HOOK2: variants seen among roughly 807,000 people sequenced by gnomAD.
HOOK2 encodes the protein protein Hook homolog 2.
In HOOK2, 108 loss-of-function variants were observed where a neutral mutation model predicts 111.9. The ratio of observed to expected loss-of-function variants is 0.96; its 90% CI spans 0.83 to 1.13. The LOEUF is 1.13. HOOK2 is among the 50% of genes most tolerant of loss of function. The pLI is 0.00. For synonymous variants in HOOK2, 405 were observed against 394.3 expected (o/e 1.03, Z -0.32); for missense variants, 978 against 951.3 (o/e 1.03, Z -0.37).
chr19:12,773,231 C>CTTTTTTT lies in HOOK2; in HGVS notation c.205-194_205-188dup, dbSNP rs373156108. Reference sequence around the variant, plus strand: ...TTTGTCTGCCTGACCATCTTTGTTTCTTTTTTTTTTTTTTTTTTTTTTTGC... The same window carrying CTTTTTTT: ...TTTGTCTGCCTGACCATCTTTGTTTCTTTTTTTTTTTTTTTTTTTTTTTTTTTTTTGC... On this transcript the variant is annotated intron_variant, in intron 3 of 22. Transcript: ENST00000397668. 702 of 254,686 alleles carry CTTTTTTT rather than the reference C, an allele frequency of 2.8e-3. 1 individual carries two copies. The highest frequency in any genetic ancestry group is 3.7e-3 in the African/African-American group (114 of 30,626). 15.8% of individuals were successfully genotyped at this position (254,686 alleles called of 1,614,324 possible).
chr19:12,767,966 C>T (rs773077846), intron 12 of HOOK2, 47 bp downstream of exon 12: 1 of 1,611,036 alleles, frequency 6.2e-7, no homozygotes, highest in Non-Finnish European at 8.5e-7. Context: ...AATGGGCTAC[C>T]CCAGAATTGG....
intron 16 of HOOK2, 26 bp from the exon 17 acceptor site, chr19:12,765,860 G>A: frequency 7.5e-6 from 12 of 1,610,722 alleles, no homozygotes; most frequent in Non-Finnish European, 1.0e-5. Context: ...GGCAGCATGG[G>A]AGAGAGAGGA....
In HOOK2 at chr19:12,774,900, G is replaced by A; in HGVS notation, c.46-3C>T. On this transcript the variant is annotated splice_region_variant and splice_polypyrimidine_tract_variant and intron_variant, in intron 1 of 22. Transcript: ENST00000397668. ...GACGGAACGTGGAACGTCTGTAACT[G>A]AGGGGTAAAGGAAAGGACAAGGAAA... The A allele has an allele frequency of 1.2e-6, 2 of 1,612,918 alleles. No individual in the cohort carries two copies. The highest frequency in any genetic ancestry group is 1.1e-5 in the South Asian group (1 of 90,896).
chr19:12,771,543 A>C, intron 7 of HOOK2, 66 bp from the exon 8 acceptor site: 3 of 1,388,886 alleles, frequency 2.2e-6, no homozygotes, highest in Non-Finnish European at 2.0e-6. Flanking sequence ...GGAGGCTGAG[A>C]TCTCTAGAGG....
chr19:12,773,036 A>C lies in HOOK2; in HGVS notation c.213T>G (p.Asn71Lys). Reference protein sequence around the residue: ...PGPNWKLKVSNLKMVLRSLVE... With the variant: ...PGPNWKLKVSKLKMVLRSLVE... ...CTAGGCTCCGTAAGACCATCTTCAG[A>C]TTGCTGACCTAGGGAGGAACAAGGA... Residue 71 changes from asparagine (N) to lysine (K), a missense_variant, in exon 4 of 23, where the codon AAT becomes AAG. Transcript: ENST00000397668. 6.2e-7 allele frequency: 1 copy of C among 1,613,994 alleles called. No homozygotes were observed. Among genetic ancestry groups the C allele is most frequent in the Non-Finnish European group, 8.5e-7 (1 of 1,180,000 alleles).
chr19:12,773,049 G>A lies in HOOK2; in HGVS notation c.205-5C>T. 1.2e-6 allele frequency: 2 copies of A among 1,613,954 alleles called. No individual in the cohort carries two copies. The highest frequency in any genetic ancestry group is 2.2e-5 in the East Asian group (1 of 44,848). On this transcript the variant is annotated splice_region_variant and splice_polypyrimidine_tract_variant and intron_variant, in intron 3 of 22. Coordinates refer to ENST00000397668, the MANE Select transcript of HOOK2 (RefSeq NM_013312.3). ...GACCATCTTCAGATTGCTGACCTAG[G>A]GAGGAACAAGGAACTGTGGACAAGT...
At chr19:12,768,937 A>T (rs1457488814) in intron 11 of HOOK2, among the ~76,000 whole-genome samples, 2 of 150,690 alleles carry the variant, frequency 1.3e-5, no homozygotes, top group Non-Finnish European at 2.9e-5. Context: ...AGCTGGGATT[A>T]CAGGCGCGCG....
chr19:12,783,722 A>T (rs1390585306), intron 3 of HOOK2, among the ~76,000 whole-genome samples: 1 of 151,908 alleles, frequency 6.6e-6, no homozygotes, highest in African/African-American at 2.4e-5. Flanking sequence ...TGTTGTGGGG[A>T]TTAGGTGAAT....
intron 7 of HOOK2, 152 bp downstream of exon 7, chr19:12,772,038 C>G (rs936126141): frequency 3.0e-6 from 2 of 667,884 alleles, no homozygotes; most frequent in Non-Finnish European, 5.4e-6. Flanking sequence ...ACAAGCCCCT[C>G]CCCCTTAGGC....
intron 3 of HOOK2, chr19:12,785,011 T>G (rs1372733754): frequency 6.6e-6 from 1 of 152,268 alleles, no homozygotes; most frequent in Non-Finnish European, 1.5e-5. Context: ...ACAGATTGGG[T>G]AGATCTGGGC....
intron 3 of HOOK2, chr19:12,787,129 C>G (rs1290492647): frequency 1.3e-5 from 2 of 153,238 alleles, no homozygotes; most frequent in African/African-American, 4.8e-5. Context: ...GATTGTGTAG[C>G]TGAACTCTAG....
chr19:12,782,036 G>T (rs769974359), upstream of HOOK2, among the ~76,000 whole-genome samples: 1 of 152,076 alleles, frequency 6.6e-6, no homozygotes, highest in Non-Finnish European at 1.5e-5. Flanking sequence ...AAATATTTTT[G>T]TAGAGACAGG....
chr19:12,774,597 C>T (rs764920627), intron 3 of HOOK2, 72 bp downstream of exon 3: 24 of 1,397,712 alleles, frequency 1.7e-5, no homozygotes, highest in African/African-American at 5.7e-5. Context: ...TCACCCAGGA[C>T]ATGTGCCTAG....
intron 11 of HOOK2, among the ~76,000 whole-genome samples, chr19:12,768,764 C>T (rs1009517758): frequency 6.6e-5 from 10 of 152,026 alleles, no homozygotes; most frequent in Non-Finnish European, 1.0e-4. Context: ...TGAGTCACCA[C>T]GCCCAGCTCT....
intron 12 of HOOK2, 54 bp downstream of exon 12, chr19:12,767,959 G>GGGCTA (rs1968206630): frequency 6.2e-7 from 1 of 1,610,146 alleles, no homozygotes; most frequent in African/African-American, 1.3e-5. Context: ...CCTGGGAAAT[G>GGGCTA]GGCTACCCCA....
chr19:12,776,112 C>T (rs375851910), upstream of HOOK2, among the ~76,000 whole-genome samples: 1 of 150,066 alleles, frequency 6.7e-6, no homozygotes, highest in African/African-American at 2.4e-5. Context: ...CTCCTGACCT[C>T]GTGATCCGCC....
chr19:12,772,710 C>A, intron 5 of HOOK2, 30 bp from the exon 6 acceptor site: 2 of 1,614,026 alleles, frequency 1.2e-6, no homozygotes, highest in East Asian at 2.2e-5. Flanking sequence ...AGGCTGAGAC[C>A]CAGGGGTGAG....
rs947327317 is a variant in HOOK2 at position 12,790,381 on chromosome 19, TG to T, written n.42-16157del. On this transcript the variant is annotated intron_variant and non_coding_transcript_variant, in intron 3 of 3. Transcript: ENST00000589765. This position sits in a 1 kb window ranked among gnomAD's most constrained non-coding sequence, Gnocchi z 7.2. ...CCCAGCCTGTTTCTAAGGAAGGGAGTGGGGTTGGGCGACCGCGCCCCAGCCG... is the reference window on the plus strand; with the variant it reads ...CCCAGCCTGTTTCTAAGGAAGGGAGTGGGTTGGGCGACCGCGCCCCAGCCG... Among the ~76,000 whole-genome samples the T allele has an allele frequency of 8.6e-5, 13 of 151,522 alleles. No homozygotes were observed. The highest frequency in any genetic ancestry group is 2.7e-4 in the African/African-American group (11 of 41,238).
intron 3 of HOOK2, among the ~76,000 whole-genome samples, chr19:12,789,598 G>A (rs944803657): frequency 1.3e-5 from 2 of 152,038 alleles, no homozygotes; most frequent in African/African-American, 4.8e-5. Flanking sequence ...ACCCGAGGGA[G>A]GAGGCAGCCG....
Sources: allele counts gnomAD v4.1 joint callset (sites outside exome capture counted in the v4.1 genomes callset), GRCh38; gene constraint gnomAD v4.1.1; non-coding constraint Gnocchi (gnomAD v3.1); transcripts MANE v1.5; gene names NCBI Gene and HGNC (gene_info 2026-07-23, HGNC 2026-07-21).